The following PAXIP1 variants were observed in gnomAD, a reference collection of about 807,000 sequenced individuals.
The protein encoded by PAXIP1 is PAX interacting protein 1.
Under a neutral mutation model 140.6 loss-of-function variants are expected in PAXIP1, and 19 were observed. The ratio of observed to expected loss-of-function variants is 0.14; its 90% CI spans 0.09 to 0.20. PAXIP1 has a LOEUF of 0.20. Ranked by LOEUF, PAXIP1 falls within the 10% of genes least tolerant of loss-of-function variation. PAXIP1 has a pLI of 1.00. For missense variants in PAXIP1, 920 were observed against 1,208.6 expected, an observed-to-expected ratio of 0.76 and a Z score of 3.54; for synonymous variants, 442 against 444.6, an observed-to-expected ratio of 0.99 and a Z score of 0.07.
At position 155,002,857 on chromosome 7, in the gene PAXIP1, C is replaced by G; in HGVS notation, c.73G>C (p.Asp25His). ...AGGGGCGGGCGCGGTACCTGCGGGT[C>G]GATGTCGCCCACCGCGTAATACTTG... is the stretch of plus-strand genomic sequence containing the variant. ...EVKYYAVGDI[D>H]PQVIQLLKAG... is the part of the protein sequence containing the mutation. Residue 25 changes from aspartate to histidine, a missense_variant, in exon 1 of 21, where the codon GAC becomes CAC. Physicochemically the swap from Asp to His is moderately conservative, Grantham distance 81 (BLOSUM62 -1). Transcript: ENST00000404141. 1.4e-6 allele frequency: 2 copies of G among 1,400,452 alleles called. No individual in the cohort carries two copies. Among genetic ancestry groups the G allele is most frequent in the Non-Finnish European group, 1.9e-6 (2 of 1,057,804 alleles). The allele number at this position is 1,400,452 out of a possible 1,614,324, so 86.8% of individuals were successfully genotyped here.
intron 6 of PAXIP1, among the ~76,000 whole-genome samples, chr7:154,971,814 TCCC>T (rs1809345474): frequency 6.6e-6 from 1 of 152,256 alleles, no homozygotes; most frequent in South Asian, 2.1e-4. Context: ...TAAGTTACAC[TCCC>T]CCCAACAATC....
intron 4 of PAXIP1, chr7:154,985,977 G>A: frequency 6.0e-6 from 8 of 1,340,064 alleles, no homozygotes; most frequent in Non-Finnish European, 8.0e-6. Flanking sequence ...GACCTAGCCA[G>A]GCTCTCCATT....
chr7:154,945,442 A>T, intron 20 of PAXIP1: 1 of 595,120 alleles, frequency 1.7e-6, no homozygotes, highest in Non-Finnish European at 2.1e-6. Flanking sequence ...AAATGTAATT[A>T]CCTGGATGAA....
At position 154,954,156 on chromosome 7, in the gene PAXIP1, T is replaced by C; in HGVS notation, c.2821+99A>G. ...ATTTAAATGAATAACTATCACATAG[T>C]TTAAAAATTAAATATTTGTTGGGAT... On this transcript the variant is annotated intron_variant, in intron 16 of 20. Coordinates refer to ENST00000404141, the MANE Select transcript of PAXIP1 (RefSeq NM_007349.4). The surrounding 1 kb of genome is among the most constrained non-coding windows in gnomAD (Gnocchi z 5.1). The C allele has an allele frequency of 1.2e-6, 1 of 866,162 alleles. No individual in the cohort carries two copies. Among genetic ancestry groups the C allele is most frequent in the South Asian group, 3.2e-5 (1 of 30,864 alleles). 53.7% of individuals were successfully genotyped at this position (866,162 alleles called of 1,614,324 possible).
Position 154,954,473 on chromosome 7 carries a change from A to G in PAXIP1, c.2653-50T>C. ...AAATGAAAAAGTTCAGCATCCACAG[A>G]GCCACACTGACACAGAGTAACACAG... On this transcript the variant is annotated intron_variant, in intron 15 of 20. Coordinates refer to ENST00000404141, the MANE Select transcript of PAXIP1 (RefSeq NM_007349.4). The surrounding 1 kb of genome is among the most constrained non-coding windows in gnomAD (Gnocchi z 5.1). 7.7e-7 allele frequency: 1 copy of G among 1,305,478 alleles called. No individual in the cohort carries two copies. The highest frequency in any genetic ancestry group is 1.8e-5 in the South Asian group (1 of 57,104). The allele number at this position is 1,305,478 out of a possible 1,614,324, so 80.9% of individuals were successfully genotyped here.
chr7:154,953,904 A>T (rs934005355), intron 16 of PAXIP1, among the ~76,000 whole-genome samples: 1 of 152,164 alleles, frequency 6.6e-6, no homozygotes, highest in African/African-American at 2.4e-5. Flanking sequence ...ACATTTACAT[A>T]CACCTGCTCT....
intron 16 of PAXIP1, chr7:154,948,675 G>A (rs1350111239): frequency 6.6e-6 from 1 of 151,052 alleles, no homozygotes; most frequent in East Asian, 1.9e-4. Flanking sequence ...ATTTTAGGAA[G>A]TTCACCAACT....
At position 154,991,110 on chromosome 7, in the gene PAXIP1, T is replaced by G. The variant is rs751396268; in HGVS notation, c.261-41A>C. 4 of 1,080,518 alleles carry G rather than the reference T, an allele frequency of 3.7e-6. No individual in the cohort carries two copies. In the African/African-American group the frequency reaches 4.8e-5, roughly 13 times the overall value. 66.9% of individuals were successfully genotyped at this position (1,080,518 alleles called of 1,614,324 possible). The stretch of plus-strand genomic sequence containing the variant: ...TAAGATTACAATGAAATAAGATTAG[T>G]GCAACCTGTACTTCACTAACAGACA... On this transcript the variant is annotated intron_variant, in intron 3 of 20. Coordinates refer to ENST00000404141, the MANE Select transcript of PAXIP1 (RefSeq NM_007349.4).
intron 5 of PAXIP1, among the ~76,000 whole-genome samples, chr7:154,980,795 A>G (rs1436287678): frequency 6.6e-6 from 1 of 152,106 alleles, no homozygotes; most frequent in East Asian, 1.9e-4. Flanking sequence ...TTCATTATTA[A>G]TTGCTCTCTT....
chr7:154,962,165 AT>A (rs1808782860), intron 10 of PAXIP1, among the ~76,000 whole-genome samples, 155 bp downstream of exon 10: 1 of 152,248 alleles, frequency 6.6e-6, no homozygotes, highest in Non-Finnish European at 1.5e-5. Context: ...AAAACACACT[AT>A]TTCTTATGAG....
At chr7:154,957,630 A>G (rs1808577594) in intron 13 of PAXIP1, among the ~76,000 whole-genome samples, 1 of 152,114 alleles carries the variant, frequency 6.6e-6, no homozygotes, top group Admixed American at 6.5e-5. Flanking sequence ...ACTTCTCAAA[A>G]TGGTTTTTAT....
chr7:154,987,428 G>C (rs1810125879), intron 4 of PAXIP1, among the ~76,000 whole-genome samples: 1 of 152,130 alleles, frequency 6.6e-6, no homozygotes, highest in African/African-American at 2.4e-5. Context: ...TCCTCCTCCA[G>C]TATCATCTCT....
chr7:154,972,568 G>T (rs1406867993), intron 6 of PAXIP1, among the ~76,000 whole-genome samples: 1 of 152,164 alleles, frequency 6.6e-6, no homozygotes, highest in Non-Finnish European at 1.5e-5. Flanking sequence ...TGACACCACA[G>T]ATAAATGAAA....
At chr7:154,998,926 C>T in intron 1 of PAXIP1, 142 bp from the exon 2 acceptor site, 1 of 725,106 alleles carries the variant, frequency 1.4e-6, no homozygotes, top group Non-Finnish European at 2.2e-6. Flanking sequence ...CAGCCTTTTA[C>T]TCTGAATAAT....
intron 8 of PAXIP1, chr7:154,967,420 A>T (rs1225974263): frequency 6.2e-6 from 1 of 160,800 alleles, no homozygotes; most frequent in African/African-American, 2.4e-5. Context: ...GGGCTGGAAG[A>T]ATTTGAGGTT....
chr7:154,996,238 G>C (rs1446548554), intron 2 of PAXIP1, among the ~76,000 whole-genome samples: 4 of 152,166 alleles, frequency 2.6e-5, no homozygotes, highest in Admixed American at 6.5e-5. Context: ...GCAAACTGTT[G>C]AGTCAGCTCC....
chr7:154,979,682 TTAATATAAC>T (rs1336995208), intron 5 of PAXIP1, among the ~76,000 whole-genome samples: 1 of 151,050 alleles, frequency 6.6e-6, no homozygotes, highest in Non-Finnish European at 1.5e-5. Flanking sequence ...ATTAATATAA[TTAATATAAC>T]CATTTTGGTT....
At chr7:154,961,930 T>C (rs1808772153) in intron 10 of PAXIP1, among the ~76,000 whole-genome samples, 1 of 152,238 alleles carries the variant, frequency 6.6e-6, no homozygotes, top group Admixed American at 6.5e-5. Context: ...AGTTATGTTA[T>C]AAAGCACGTA....
Position 154,974,920 on chromosome 7 carries a change from G to C in PAXIP1, c.1074+776C>G, listed in dbSNP as rs200358127. Among the ~76,000 whole-genome samples, 21 of 151,254 alleles carry C rather than the reference G, an allele frequency of 1.4e-4. No homozygotes were observed. In the East Asian group the frequency reaches 4.1e-3, roughly 29 times the overall value. The stretch of plus-strand genomic sequence containing the variant: ...AGCATTCTGGGAGGCCGAGGTGGGT[G>C]GATCACTAGAGATCAAGAGTTCAAA... On this transcript the variant is annotated intron_variant, in intron 6 of 20. Coordinates refer to ENST00000404141, the MANE Select transcript of PAXIP1 (RefSeq NM_007349.4).
Sources: gnomAD v4.1 joint callset for allele counts (sites outside exome capture counted in the v4.1 genomes callset) on GRCh38, gnomAD v4.1.1 for gene constraint, Gnocchi (gnomAD v3.1) non-coding constraint, MANE v1.5 for transcripts, NCBI Gene and HGNC (gene_info 2026-07-23, HGNC 2026-07-21) for gene names.